VPS13B: variants seen among roughly 807,000 people sequenced by gnomAD.
The protein encoded by VPS13B is vacuolar protein sorting 13 homolog B.
VPS13B carries 285 observed loss-of-function variants against 426.4 expected under a neutral mutation model. The observed-to-expected ratio is 0.67, with a 90% CI of 0.61 to 0.74. The LOEUF (loss-of-function observed/expected upper bound fraction) is 0.74. VPS13B is among the 30% of genes least tolerant of loss of function. The pLI is 0.00. For missense variants in VPS13B, 4,537 were observed against 4,782.6 expected, an observed-to-expected ratio of 0.95 and a Z score of 1.51; for synonymous variants, 1,676 against 1,676.4, an observed-to-expected ratio of 1.00 and a Z score of 0.01.
At chr8:99,104,503 T>C (rs1846935915) in intron 5 of VPS13B, among the ~76,000 whole-genome samples, 1 of 152,176 alleles carries the variant, frequency 6.6e-6, no homozygotes, top group South Asian at 2.1e-4. Flanking sequence ...TTTAGGCTTG[T>C]GTGTTCCAAA....
At chr8:99,661,303 G>T in intron 34 of VPS13B, 51 bp from the exon 35 acceptor site, 1 of 1,605,698 alleles carries the variant, frequency 6.2e-7, no homozygotes, top group Non-Finnish European at 8.5e-7. Context: ...ATATCAAAAT[G>T]AGATATTTGT....
intron 57 of VPS13B, among the ~76,000 whole-genome samples, chr8:99,859,819 CTG>C (rs1334519435): frequency 6.6e-6 from 1 of 152,182 alleles, no homozygotes; most frequent in Non-Finnish European, 1.5e-5. Context: ...AAACCCTACA[CTG>C]TGTTGCCTCA....
At chr8:99,049,110 T>G (rs1245033222) in intron 3 of VPS13B, among the ~76,000 whole-genome samples, 1 of 152,216 alleles carries the variant, frequency 6.6e-6, no homozygotes, top group Non-Finnish European at 1.5e-5. Context: ...CTATCCATTC[T>G]GCAATTCTTT....
intron 12 of VPS13B, among the ~76,000 whole-genome samples, chr8:99,138,449 G>A (rs1052737163): frequency 2.6e-4 from 40 of 152,174 alleles, no homozygotes; most frequent in Non-Finnish European, 1.6e-4. Flanking sequence ...TTTCTTACTG[G>A]TCTTCCTGCT....
At chr8:99,475,368 T>C (rs1002116956) in intron 24 of VPS13B, among the ~76,000 whole-genome samples, 1 of 152,168 alleles carries the variant, frequency 6.6e-6, no homozygotes, top group African/African-American at 2.4e-5. Flanking sequence ...CCCTGCTACT[T>C]GGAGTTATCT....
intron 19 of VPS13B, 113 bp from the exon 20 acceptor site, chr8:99,384,095 G>T (rs1411316974): frequency 3.3e-6 from 3 of 904,452 alleles, no homozygotes. Context: ...CCTTTCCAAC[G>T]CTTGTTACTG....
intron 3 of VPS13B, among the ~76,000 whole-genome samples, chr8:99,067,054 A>G (rs929211545): frequency 9.8e-5 from 15 of 152,366 alleles, no homozygotes; most frequent in South Asian, 4.1e-4. Context: ...GGGAGTGTAA[A>G]TTAGTTCAAC....
At position 99,446,767 on chromosome 8, in the gene VPS13B, T is replaced by C. The variant is rs552385335; in HGVS notation, c.3445+4132T>C. 9.2e-5 allele frequency among the ~76,000 whole-genome samples: 14 copies of C among 152,318 alleles called. 1 individual carries two copies. In the South Asian group the frequency reaches 2.9e-3, roughly 32 times the overall value. On this transcript the variant is annotated intron_variant, in intron 23 of 61. Transcript: ENST00000357162. The stretch of plus-strand genomic sequence containing the variant: ...CTAAGTATACAACTGGATACATTTT[T>C]GTCAGATAAATCCATACATGTTACT...
chr8:99,840,335 T>C (rs1470223206), intron 54 of VPS13B, among the ~76,000 whole-genome samples: 1 of 152,244 alleles, frequency 6.6e-6, no homozygotes, highest in African/African-American at 2.4e-5. Flanking sequence ...GGACTTTACA[T>C]TTATCCCAAA....
At chr8:99,157,112 T>G (rs1028075279) in intron 15 of VPS13B, among the ~76,000 whole-genome samples, 1 of 152,174 alleles carries the variant, frequency 6.6e-6, no homozygotes, top group Non-Finnish European at 1.5e-5. Context: ...TGAGGCATAA[T>G]GAGGCATAAA....
chr8:99,558,338 T>G (rs1824699970), intron 31 of VPS13B, among the ~76,000 whole-genome samples: 2 of 152,158 alleles, frequency 1.3e-5, no homozygotes. Context: ...CCTGTAACTG[T>G]CATAACCCAC....
At chr8:99,477,025 C>T (rs574247044) in intron 24 of VPS13B, among the ~76,000 whole-genome samples, 2 of 152,166 alleles carry the variant, frequency 1.3e-5, no homozygotes, top group African/African-American at 4.8e-5. Context: ...ATCATTTAGC[C>T]AGTCTTCTAT....
At chr8:99,512,067 C>G (rs904839977) in intron 29 of VPS13B, among the ~76,000 whole-genome samples, 3 of 152,170 alleles carry the variant, frequency 2.0e-5, no homozygotes, top group African/African-American at 7.2e-5. Context: ...GTATACGAAC[C>G]TTATAGTGCT....
At position 99,742,565 on chromosome 8, in the gene VPS13B, A is replaced by G. The variant is rs546129197; in HGVS notation, c.7050+21518A>G. Among the ~76,000 whole-genome samples, 303 of 152,314 alleles carry G rather than the reference A, an allele frequency of 2.0e-3. 1 individual carries two copies. The highest frequency in any genetic ancestry group is 3.3e-3 in the Non-Finnish European group (226 of 68,030). Reference sequence around the variant, plus strand: ...CAATATCCCTGATGAACATTGATGCAAAAATCCTCAATAAAATACTGGCAA... The same window carrying G: ...CAATATCCCTGATGAACATTGATGCGAAAATCCTCAATAAAATACTGGCAA... On this transcript the variant is annotated intron_variant, in intron 39 of 61. Transcript: ENST00000357162.
intron 40 of VPS13B, among the ~76,000 whole-genome samples, chr8:99,773,990 G>A (rs577322230): frequency 3.4e-4 from 51 of 152,008 alleles, no homozygotes; most frequent in Middle Eastern, 3.4e-3. Context: ...TCTCTAGCAG[G>A]GTCATCACTC....
At chr8:99,410,535 A>ATTATTTATTTAT (rs202087477) in intron 21 of VPS13B, among the ~76,000 whole-genome samples, 19 of 148,980 alleles carry the variant, frequency 1.3e-4, no homozygotes, top group Non-Finnish European at 1.6e-4. Context: ...TGTTACCAGA[A>ATTATTTATTTAT]TTATTTATTT....
At chr8:99,591,677 G>A (rs4288349) in intron 33 of VPS13B, among the ~76,000 whole-genome samples, 6,429 of 152,088 alleles carry the variant, frequency 0.042, 151 homozygotes, top group East Asian at 0.06. Context: ...TTGAATATTG[G>A]CCCCCACTCT....
At chr8:99,159,028 T>G (rs73281692) in intron 15 of VPS13B, among the ~76,000 whole-genome samples, 2,543 of 152,310 alleles carry the variant, frequency 0.017, 64 homozygotes, top group African/African-American at 0.058. Context: ...TTAAGAATAT[T>G]TATGATTCAC....
intron 2 of VPS13B, among the ~76,000 whole-genome samples, chr8:99,019,452 G>A (rs1244041318): frequency 6.6e-6 from 1 of 151,978 alleles, no homozygotes; most frequent in Non-Finnish European, 1.5e-5. Flanking sequence ...CACCCACCTT[G>A]GCCTCCCAAA....
Sources: gnomAD v4.1 joint callset for allele counts (sites outside exome capture counted in the v4.1 genomes callset) on GRCh38, gnomAD v4.1.1 for gene constraint, MANE v1.5 for transcripts, NCBI Gene and HGNC (gene_info 2026-07-23, HGNC 2026-07-21) for gene names.